KCNH7: variants seen among roughly 807,000 people sequenced by gnomAD.
KCNH7 encodes voltage-gated inwardly rectifying potassium channel KCNH7.
KCNH7 carries 49 observed loss-of-function variants against 120.8 expected under a neutral mutation model. The observed-to-expected ratio is 0.41, with a 90% confidence interval of 0.32 to 0.51. The LOEUF is 0.51. Among genes scored for constraint, KCNH7 ranks in the 20% least tolerant of loss-of-function variants. The pLI, the probability that KCNH7 is intolerant of heterozygous loss-of-function variation, is 0.38. For synonymous variants in KCNH7, 547 were observed against 516.1 expected (o/e 1.06, Z -0.81); for missense variants, 1,097 against 1,446.6 (o/e 0.76, Z 3.92).
chr2:162,488,710 C>G (rs1389551754), intron 6 of KCNH7, among the ~76,000 whole-genome samples: 1 of 152,204 alleles, frequency 6.6e-6, no homozygotes. Flanking sequence ...CACTGAGGTG[C>G]CCCACTGCAC....
intron 2 of KCNH7, among the ~76,000 whole-genome samples, chr2:162,656,454 C>A (rs867237866): frequency 6.6e-6 from 1 of 152,100 alleles, no homozygotes; most frequent in African/African-American, 2.4e-5. Context: ...ACTTTCTTAT[C>A]CATCATTTTT....
At chr2:162,830,166 C>T (rs892107992) in intron 2 of KCNH7, among the ~76,000 whole-genome samples, 18 of 152,114 alleles carry the variant, frequency 1.2e-4, no homozygotes, top group Admixed American at 3.9e-4. Flanking sequence ...TTTGAAAGGA[C>T]GATGATGGTT....
At chr2:162,502,281 G>C (rs1690712080) in intron 6 of KCNH7, 1 of 151,996 alleles carries the variant, frequency 6.6e-6, no homozygotes, top group African/African-American at 2.4e-5. Flanking sequence ...TCGTGATGTA[G>C]GGATAAAGAG....
intron 2 of KCNH7, among the ~76,000 whole-genome samples, chr2:162,630,293 G>A (rs772975972): frequency 5.9e-5 from 9 of 151,984 alleles, no homozygotes; most frequent in Non-Finnish European, 8.8e-5. Flanking sequence ...GGAGCATAAA[G>A]GTTCAAAATG....
At chr2:162,758,486 A>G (rs1187676795) in intron 2 of KCNH7, among the ~76,000 whole-genome samples, 1 of 152,036 alleles carries the variant, frequency 6.6e-6, no homozygotes, top group Non-Finnish European at 1.5e-5. Context: ...ACACACACAT[A>G]TTGTTTATAT....
At chr2:162,620,461 C>T (rs956200731) in intron 2 of KCNH7, among the ~76,000 whole-genome samples, 1 of 151,872 alleles carries the variant, frequency 6.6e-6, no homozygotes, top group Non-Finnish European at 1.5e-5. Flanking sequence ...CATGTCATAA[C>T]TTCATTAGAT....
chr2:162,479,607 T>TG (rs1689857853), intron 6 of KCNH7, among the ~76,000 whole-genome samples: 1 of 152,204 alleles, frequency 6.6e-6, no homozygotes, highest in Admixed American at 6.5e-5. Context: ...CAATAAATGA[T>TG]GTCTCCTAAG....
intron 13 of KCNH7, among the ~76,000 whole-genome samples, chr2:162,381,612 T>C (rs1439602195): frequency 6.6e-6 from 1 of 152,114 alleles, no homozygotes; most frequent in Non-Finnish European, 1.5e-5. Context: ...TAGAAAAATA[T>C]AGGATCAGAG....
intron 2 of KCNH7, 58 bp from the exon 3 acceptor site, chr2:162,537,138 G>T: frequency 7.5e-7 from 1 of 1,340,334 alleles, no homozygotes; most frequent in Non-Finnish European, 1.0e-6. Context: ...GAACTATCAA[G>T]TAACATTAAA....
rs548491237 is a variant in KCNH7, at chr2:162,817,600, C to T, written c.307+18937G>A. ...CAGACCTAGAAGAGAAATTGCTGGG[C>T]CATATAGATGTATATTTACCTTTAT... is the stretch of plus-strand genomic sequence containing the variant. On this transcript the variant is annotated intron_variant, in intron 2 of 15. Transcript: ENST00000332142. Among the ~76,000 whole-genome samples, 41 of 152,140 alleles carry T rather than the reference C, an allele frequency of 2.7e-4. 1 individual carries two copies. The South Asian group carries it at 8.1e-3, about 30-fold the overall frequency.
At chr2:162,462,789 G>A (rs947293286) in intron 6 of KCNH7, among the ~76,000 whole-genome samples, 13 of 151,900 alleles carry the variant, frequency 8.6e-5, no homozygotes, top group African/African-American at 3.1e-4. Context: ...AGCTTGACTA[G>A]GTGATGGATG....
chr2:162,616,081 C>T (rs1293318495), intron 2 of KCNH7, among the ~76,000 whole-genome samples: 2 of 152,068 alleles, frequency 1.3e-5, no homozygotes, highest in Non-Finnish European at 2.9e-5. Flanking sequence ...TTTTAAAATA[C>T]CAAAGATTCT....
chr2:162,592,695 A>G lies in KCNH7; in HGVS notation c.308-55615T>C, dbSNP rs532425848. ...GAATTTAGCACTACTTTATTCATAT[A>G]TCTGGGTTAGCATAATGATGTTAAA... On this transcript the variant is annotated intron_variant, in intron 2 of 15. Transcript: ENST00000332142. Among the ~76,000 whole-genome samples the G allele has an allele frequency of 4.6e-5, 7 of 152,188 alleles. No homozygotes were observed. In the East Asian group the frequency reaches 1.4e-3, roughly 29 times the overall value.
chr2:162,687,380 C>T (rs547639734), intron 2 of KCNH7, among the ~76,000 whole-genome samples: 73 of 152,124 alleles, frequency 4.8e-4, no homozygotes, highest in Non-Finnish European at 7.6e-4. Flanking sequence ...AATTGTGTAC[C>T]TTTAAAATTA....
At chr2:162,554,198 T>C (rs1300588559) in intron 2 of KCNH7, among the ~76,000 whole-genome samples, 1 of 152,180 alleles carries the variant, frequency 6.6e-6, no homozygotes. Context: ...GTGAATTACT[T>C]GTTTGGTAAA....
chr2:162,547,260 C>G (rs1224203885), intron 2 of KCNH7, among the ~76,000 whole-genome samples: 1 of 152,148 alleles, frequency 6.6e-6, no homozygotes. Flanking sequence ...AGGTCTCTCT[C>G]TGGGATTACA....
chr2:162,816,257 CAAAAAAAAAA>C (rs10599191), intron 2 of KCNH7, among the ~76,000 whole-genome samples: 1 of 59,988 alleles, frequency 1.7e-5, no homozygotes, highest in Non-Finnish European at 2.9e-5. Flanking sequence ...AACTCCATCT[CAAAAAAAAAA>C]AAAAAAAAAA....
At chr2:162,551,228 C>G (rs115580338) in intron 2 of KCNH7, among the ~76,000 whole-genome samples, 16 of 152,214 alleles carry the variant, frequency 1.1e-4, no homozygotes, top group Non-Finnish European at 2.2e-4. Context: ...GGGCTTAAAA[C>G]ATTTTTGAAA....
chr2:162,774,162 C>A (rs948728969), intron 2 of KCNH7, among the ~76,000 whole-genome samples: 2 of 152,030 alleles, frequency 1.3e-5, no homozygotes, highest in Non-Finnish European at 2.9e-5. Flanking sequence ...AAACTTTCTA[C>A]ACTTATGTCA....
Sources: gnomAD v4.1 joint callset for allele counts (sites outside exome capture counted in the v4.1 genomes callset) on GRCh38, gnomAD v4.1.1 for gene constraint, MANE v1.5 for transcripts, NCBI Gene and HGNC (gene_info 2026-07-23, HGNC 2026-07-21) for gene names.